The following BTF3L4 variants were observed in gnomAD, a reference collection of about 807,000 sequenced individuals.
The protein encoded by BTF3L4 is basic transcription factor 3 like 4.
Under a neutral mutation model 16.8 loss-of-function variants are expected in BTF3L4, and 6 were observed. The observed-to-expected ratio is 0.36, with a 90% CI of 0.20 to 0.71. The LOEUF is 0.71. BTF3L4 is among the 30% of genes least tolerant of loss of function. The pLI, the probability that BTF3L4 is intolerant of heterozygous loss-of-function variation, is 0.58. For synonymous variants in BTF3L4, 39 were observed against 59.8 expected (o/e 0.65, Z 1.60); for missense variants, 92 against 186.9 (o/e 0.49, Z 2.96).
intron 2 of BTF3L4, among the ~76,000 whole-genome samples, chr1:52,062,129 C>G (rs1686527240): frequency 6.7e-6 from 1 of 149,680 alleles, no homozygotes; most frequent in South Asian, 2.1e-4. Flanking sequence ...TCAGTAGACA[C>G]AGAGTTTCAC....
At chr1:52,075,005 C>T (rs1002914303) in intron 3 of BTF3L4, among the ~76,000 whole-genome samples, 1 of 151,970 alleles carries the variant, frequency 6.6e-6, no homozygotes, top group Non-Finnish European at 1.5e-5. Flanking sequence ...AGTCCTCCCA[C>T]CTCTGCCTCC....
intron 3 of BTF3L4, among the ~76,000 whole-genome samples, chr1:52,073,307 A>G (rs570159025): frequency 5.7e-4 from 87 of 152,254 alleles, no homozygotes; most frequent in African/African-American, 1.8e-3. Context: ...GTATCTGTAT[A>G]TCTATATAGA....
At position 52,090,320 on chromosome 1, in the gene BTF3L4, T is replaced by C. The variant is rs1395326782; in HGVS notation, c.*3562T>C. 1 of 152,180 alleles carries C rather than the reference T, an allele frequency of 6.6e-6. No individual in the cohort carries two copies. Among genetic ancestry groups the C allele is most frequent in the Non-Finnish European group, 1.5e-5 (1 of 68,026 alleles). The allele number at this position is 152,180 out of a possible 1,614,324, so 9.4% of individuals were successfully genotyped here. The stretch of plus-strand genomic sequence containing the variant: ...GGTAGAAGATGATTAAAGCGTGTTA[T>C]CTCCTAAGCTATGGCTTAGATTTTC... On this transcript the variant is annotated 3_prime_UTR_variant, in exon 6 of 6. Transcript: ENST00000313334.
At chr1:52,074,236 T>TCTCA (rs1686872747) in intron 3 of BTF3L4, among the ~76,000 whole-genome samples, 1 of 151,892 alleles carries the variant, frequency 6.6e-6, no homozygotes, top group Non-Finnish European at 1.5e-5. Context: ...TCTCACTCTA[T>TCTCA]GCCCAGGCTG....
At chr1:52,058,115 G>A (rs1394307749) in intron 1 of BTF3L4, among the ~76,000 whole-genome samples, 1 of 152,080 alleles carries the variant, frequency 6.6e-6, no homozygotes, top group African/African-American at 2.4e-5. Context: ...AGTGAATGTT[G>A]GTCCTTTTCT....
chr1:52,056,620 TGCC>T (rs1488179287), intron 1 of BTF3L4, among the ~76,000 whole-genome samples: 1 of 152,234 alleles, frequency 6.6e-6, no homozygotes. Context: ...CCCGCCCTGT[TGCC>T]GCCCAGACCC....
chr1:52,061,573 A>G (rs1184047542), intron 2 of BTF3L4, among the ~76,000 whole-genome samples: 1 of 151,658 alleles, frequency 6.6e-6, no homozygotes, highest in Non-Finnish European at 1.5e-5. Context: ...GCAAAGGCAC[A>G]TATGGTGCTA....
intron 3 of BTF3L4, among the ~76,000 whole-genome samples, chr1:52,080,520 T>G (rs1402901599): frequency 1.3e-3 from 2 of 1,526 alleles, no homozygotes; most frequent in Non-Finnish European, 7.2e-3. Context: ...GTTTTTTGGG[T>G]TTTTTTTTTT....
chr1:52,060,280 T>C, intron 2 of BTF3L4: 1 of 302,018 alleles, frequency 3.3e-6, no homozygotes, highest in Non-Finnish European at 6.6e-6. Context: ...GAGTAGATGC[T>C]TAATAAATTA....
chr1:52,070,087 C>T (rs1686745948), intron 3 of BTF3L4, among the ~76,000 whole-genome samples: 1 of 151,968 alleles, frequency 6.6e-6, no homozygotes, highest in Non-Finnish European at 1.5e-5. Context: ...TGTGGTGGTG[C>T]ATGCCTGTAA....
In BTF3L4 at chr1:52,069,352, A is replaced by G. The variant is rs547823968; in HGVS notation, c.168+4414A>G. Among the ~76,000 whole-genome samples the G allele has an allele frequency of 9.2e-5, 14 of 152,286 alleles. 1 individual carries two copies. The highest frequency in any genetic ancestry group is 3.1e-4 in the African/African-American group (13 of 41,574). The stretch of plus-strand genomic sequence containing the variant: ...ATATTCCTCTTTGGGAACATCTAGT[A>G]TACTATATATAACCTGGCTTGCTCA... On this transcript the variant is annotated intron_variant, in intron 3 of 5. Coordinates refer to ENST00000313334, the MANE Select transcript of BTF3L4 (RefSeq NM_152265.5).
intron 4 of BTF3L4, 143 bp from the exon 5 acceptor site, chr1:52,085,969 T>C (rs1203992253): frequency 4.3e-6 from 2 of 469,636 alleles, no homozygotes; most frequent in Non-Finnish European, 7.3e-6. Context: ...AAGCAAAAAA[T>C]ATGAATGGCA....
chr1:52,066,885 T>G (rs1182317183), intron 3 of BTF3L4, among the ~76,000 whole-genome samples: 1 of 151,846 alleles, frequency 6.6e-6, no homozygotes, highest in Non-Finnish European at 1.5e-5. Context: ...TGGTATCACC[T>G]CACAATTTTA....
chr1:52,089,595 A>C lies in BTF3L4; in HGVS notation c.*2837A>C, dbSNP rs1007130710. 6.6e-6 allele frequency: 1 copy of C among 152,174 alleles called. No individual in the cohort carries two copies. The allele number at this position is 152,174 out of a possible 1,614,324, so 9.4% of individuals were successfully genotyped here. The stretch of plus-strand genomic sequence containing the variant: ...TTGCCAAGATAACAATGATAAAAAC[A>C]TTTTGGGGGGGAAATTGACCTTAAA... On this transcript the variant is annotated 3_prime_UTR_variant, in exon 6 of 6. Coordinates refer to ENST00000313334, the MANE Select transcript of BTF3L4 (RefSeq NM_152265.5).
In BTF3L4 at chr1:52,088,194, T is replaced by G. The variant is rs1643989100; in HGVS notation, c.*1436T>G. On this transcript the variant is annotated 3_prime_UTR_variant, in exon 6 of 6. Transcript: ENST00000313334. The stretch of plus-strand genomic sequence containing the variant: ...TTAACCTTGCAGCTACCAACTTTTG[T>G]GTCAAGCTAGATATCTTTATTTGAT... 1 of 152,612 alleles carries G rather than the reference T, an allele frequency of 6.6e-6. No homozygotes were observed. Among genetic ancestry groups the G allele is most frequent in the Non-Finnish European group, 1.5e-5 (1 of 68,028 alleles). 9.5% of individuals were successfully genotyped at this position (152,612 alleles called of 1,614,324 possible).
intron 3 of BTF3L4, among the ~76,000 whole-genome samples, chr1:52,066,877 G>A (rs1686665508): frequency 6.6e-6 from 1 of 151,846 alleles, no homozygotes; most frequent in African/African-American, 2.4e-5. Context: ...ACTGTGTTTG[G>A]TATCACCTCA....
chr1:52,075,020 G>A (rs886621958), intron 3 of BTF3L4, among the ~76,000 whole-genome samples: 6 of 151,482 alleles, frequency 4.0e-5, no homozygotes, highest in Non-Finnish European at 2.9e-5. Flanking sequence ...GCCTCCCAAG[G>A]TGCTAGGATT....
intron 2 of BTF3L4, among the ~76,000 whole-genome samples, chr1:52,062,402 A>G (rs189714225): frequency 2.4e-4 from 37 of 151,526 alleles, no homozygotes; most frequent in Middle Eastern, 3.4e-3. Context: ...TGGTTTCACC[A>G]TGTTTGTCAG....
At chr1:52,061,341 A>C (rs1190138629) in intron 2 of BTF3L4, among the ~76,000 whole-genome samples, 2 of 151,898 alleles carry the variant, frequency 1.3e-5, no homozygotes, top group Non-Finnish European at 2.9e-5. Flanking sequence ...GTACAAAAAT[A>C]GCCTGGTGTG....
Sources: allele counts gnomAD v4.1 joint callset (sites outside exome capture counted in the v4.1 genomes callset), GRCh38; gene constraint gnomAD v4.1.1; transcripts MANE v1.5; gene names NCBI Gene and HGNC (gene_info 2026-07-23, HGNC 2026-07-21).